ANKS1B: variants seen among roughly 807,000 people sequenced by gnomAD.
ANKS1B encodes ankyrin repeat and sterile alpha motif domain containing 1B, also known as ankyrin repeat and sterile alpha motif domain-containing protein 1B.
In ANKS1B, 36 loss-of-function variants were observed where a neutral mutation model predicts 148.3. The ratio of observed to expected loss-of-function variants is 0.24; its 90% CI spans 0.19 to 0.32. The LOEUF (loss-of-function observed/expected upper bound fraction) is 0.32, where lower values mean the gene tolerates loss of function less well. Among genes scored for constraint, ANKS1B ranks in the 10% least tolerant of loss-of-function variants. The pLI, the probability that ANKS1B is intolerant of heterozygous loss-of-function variation, is 1.00. For missense variants in ANKS1B, 1,157 were observed against 1,542.6 expected (o/e 0.75, Z 4.19); for synonymous variants, 542 against 560.8 (o/e 0.97, Z 0.47).
intron 17 of ANKS1B, among the ~76,000 whole-genome samples, chr12:98,900,363 A>C (rs993070073): frequency 2.0e-5 from 3 of 152,194 alleles, no homozygotes; most frequent in African/African-American, 7.2e-5. Context: ...TAGATCTTTG[A>C]ATTTGTTTTG....
chr12:98,999,516 G>T (rs2099931706), intron 17 of ANKS1B, among the ~76,000 whole-genome samples: 1 of 152,092 alleles, frequency 6.6e-6, no homozygotes, highest in South Asian at 2.1e-4. Context: ...TCTGGGAAAG[G>T]ATACTTTATG....
intron 17 of ANKS1B, among the ~76,000 whole-genome samples, chr12:98,906,644 T>C (rs1044095886): frequency 6.6e-6 from 1 of 152,214 alleles, no homozygotes; most frequent in Non-Finnish European, 1.5e-5. Flanking sequence ...GAAGGAACTA[T>C]CATTTTTCTC....
intron 12 of ANKS1B, among the ~76,000 whole-genome samples, chr12:99,250,259 G>A (rs2074403993): frequency 2.0e-5 from 3 of 152,162 alleles, no homozygotes. Context: ...TAGTGGCCTA[G>A]AGAGTGAGAG....
chr12:99,759,091 C>G (rs1390658108), intron 8 of ANKS1B, among the ~76,000 whole-genome samples: 6 of 151,736 alleles, frequency 4.0e-5, no homozygotes, highest in African/African-American at 1.5e-4. Context: ...GGATTTATTC[C>G]CTTGACTAAG....
Position 99,875,283 on chromosome 12 carries a change from A to T in ANKS1B, c.135-49894T>A, listed in dbSNP as rs554913974. Among the ~76,000 whole-genome samples the T allele has an allele frequency of 2.6e-5, 4 of 152,340 alleles. No homozygotes were observed. The East Asian group carries it at 5.8e-4, about 22-fold the overall frequency. The stretch of plus-strand genomic sequence containing the variant: ...AATGTTGGATTTGGCAAAATTTAAA[A>T]TAAATTTTGCCAAGTCCTTAAGTTT... On this transcript the variant is annotated intron_variant, in intron 1 of 26. Coordinates refer to ENST00000683438, the MANE Select transcript of ANKS1B (RefSeq NM_001352186.2).
chr12:99,737,653 T>C (rs927129609), intron 8 of ANKS1B, among the ~76,000 whole-genome samples: 2 of 152,088 alleles, frequency 1.3e-5, no homozygotes, highest in African/African-American at 4.8e-5. Flanking sequence ...CATCAACTCC[T>C]GATCACCTCC....
chr12:99,375,510 C>T (rs1470130356), intron 12 of ANKS1B, among the ~76,000 whole-genome samples: 1 of 152,148 alleles, frequency 6.6e-6, no homozygotes, highest in South Asian at 2.1e-4. Flanking sequence ...AGCTTCATGA[C>T]TCACCTATAG....
chr12:99,883,184 T>C (rs1294323776), intron 1 of ANKS1B, among the ~76,000 whole-genome samples: 1 of 152,178 alleles, frequency 6.6e-6, no homozygotes, highest in Non-Finnish European at 1.5e-5. Flanking sequence ...CAGAGCATTG[T>C]CTGATGAGAT....
At chr12:98,925,840 G>A (rs2099807365) in intron 17 of ANKS1B, among the ~76,000 whole-genome samples, 2 of 152,134 alleles carry the variant, frequency 1.3e-5, no homozygotes, top group South Asian at 4.1e-4. Context: ...GTCTTTATTT[G>A]CCTTGACTTA....
downstream of ANKS1B, among the ~76,000 whole-genome samples, chr12:98,741,037 C>A (rs1284282262): frequency 6.6e-6 from 1 of 152,176 alleles, no homozygotes; most frequent in Non-Finnish European, 1.5e-5. Context: ...CATAAAGCTA[C>A]AATTCCAGCT....
intron 12 of ANKS1B, among the ~76,000 whole-genome samples, chr12:99,294,169 G>A (rs1338193888): frequency 6.6e-6 from 1 of 152,144 alleles, no homozygotes; most frequent in Non-Finnish European, 1.5e-5. Flanking sequence ...CAATCCCAGT[G>A]CTAGTTATAT....
At chr12:99,582,150 C>T (rs961856030) in intron 9 of ANKS1B, among the ~76,000 whole-genome samples, 1 of 151,510 alleles carries the variant, frequency 6.6e-6, no homozygotes, top group African/African-American at 2.4e-5. Context: ...AAATAACATA[C>T]CAGAACATAC....
chr12:99,168,406 C>A (rs1422641300), intron 14 of ANKS1B, among the ~76,000 whole-genome samples: 1 of 151,648 alleles, frequency 6.6e-6, no homozygotes, highest in East Asian at 1.9e-4. Context: ...ATAATCCCAG[C>A]TACTCAGGAG....
intron 1 of ANKS1B, among the ~76,000 whole-genome samples, chr12:99,894,301 G>GACGGAGGGAGGGAGGA (rs2093278424): frequency 2.0e-5 from 1 of 51,040 alleles, no homozygotes; most frequent in Non-Finnish European, 4.9e-5. Context: ...GGGAGGGAGG[G>GACGGAGGGAGGGAGGA]AGGGAGGGAG....
At chr12:99,143,623 T>C (rs1406273742) in intron 15 of ANKS1B, among the ~76,000 whole-genome samples, 7 of 152,142 alleles carry the variant, frequency 4.6e-5, no homozygotes, top group Non-Finnish European at 8.8e-5. Context: ...CTGTTTGATG[T>C]GGTGTCTCCT....
intron 12 of ANKS1B, among the ~76,000 whole-genome samples, chr12:99,383,302 C>T (rs1422751040): frequency 6.6e-6 from 1 of 152,190 alleles, no homozygotes; most frequent in Non-Finnish European, 1.5e-5. Context: ...AGCCACATTT[C>T]AGACCCGATT....
chr12:98,918,442 T>C (rs759156399), intron 17 of ANKS1B, among the ~76,000 whole-genome samples: 2 of 152,220 alleles, frequency 1.3e-5, no homozygotes, highest in African/African-American at 4.8e-5. Context: ...AGGAAATGAA[T>C]AGAAGCAGAG....
intron 15 of ANKS1B, among the ~76,000 whole-genome samples, chr12:99,136,960 A>G (rs79764420): frequency 1.1e-4 from 16 of 152,126 alleles, no homozygotes; most frequent in African/African-American, 3.9e-4. Flanking sequence ...GAGGTTATCA[A>G]TCAAACGGCT....
At chr12:99,074,634 A>G (rs892715397) in intron 16 of ANKS1B, among the ~76,000 whole-genome samples, 1 of 152,202 alleles carries the variant, frequency 6.6e-6, no homozygotes, top group Non-Finnish European at 1.5e-5. Flanking sequence ...TCACTTGTAA[A>G]CAGGAAGCAT....
Sources: gnomAD v4.1 joint callset for allele counts (sites outside exome capture counted in the v4.1 genomes callset) on GRCh38, gnomAD v4.1.1 for gene constraint, MANE v1.5 for transcripts, NCBI Gene and HGNC (gene_info 2026-07-23, HGNC 2026-07-21) for gene names.